ABTB3: variants seen among roughly 807,000 people sequenced by gnomAD.
ABTB3 encodes ankyrin repeat and BTB domain containing 3.
At chr12:107,484,453 G>A in the ABTB3 span, among the ~76,000 whole-genome samples, 7 of 152,230 alleles carry the variant, frequency 4.6e-5, no homozygotes, top group Middle Eastern at 3.2e-3. Context: ...ACTAGGATGC[G>A]TCAGGCAGAG....
chr12:107,376,164 C>T, the ABTB3 span, among the ~76,000 whole-genome samples: 1 of 152,308 alleles, frequency 6.6e-6, no homozygotes, highest in East Asian at 1.9e-4. Flanking sequence ...CCCTCCCTCA[C>T]CACCCTGCGC....
chr12:107,500,225 A>G, the ABTB3 span, among the ~76,000 whole-genome samples: 2 of 152,152 alleles, frequency 1.3e-5, no homozygotes, highest in African/African-American at 2.4e-5. Context: ...CTCTGCTAAG[A>G]GTGACCACTG....
At chr12:107,321,603 CCACACA>C in the ABTB3 span, among the ~76,000 whole-genome samples, 5 of 85,432 alleles carry the variant, frequency 5.9e-5, no homozygotes, top group African/African-American at 1.8e-4. Flanking sequence ...ATCTTCGAGG[CCACACA>C]CACACACACA....
the ABTB3 span, among the ~76,000 whole-genome samples, chr12:107,452,202 ATTTTTTTTTT>A: frequency 9.1e-6 from 1 of 110,200 alleles, no homozygotes; most frequent in African/African-American, 3.2e-5. Context: ...GCCCATATGA[ATTTTTTTTTT>A]TTTTTTTTTT....
the ABTB3 span, among the ~76,000 whole-genome samples, chr12:107,456,304 C>T: frequency 3.9e-5 from 6 of 152,150 alleles, no homozygotes; most frequent in Non-Finnish European, 7.3e-5. Flanking sequence ...GGAACTGGGC[C>T]GCATAGCAGG....
chr12:107,405,864 C>T, the ABTB3 span, among the ~76,000 whole-genome samples: 19 of 152,238 alleles, frequency 1.2e-4, no homozygotes, highest in African/African-American at 4.6e-4. Flanking sequence ...GGTCCCCACT[C>T]TGCTCCTCAC....
chr12:107,459,308 A>G, the ABTB3 span, among the ~76,000 whole-genome samples: 16 of 152,220 alleles, frequency 1.1e-4, no homozygotes, highest in Admixed American at 6.5e-5. Context: ...ACTGAACCCC[A>G]TGGTAAATTC....
chr12:107,383,537 T>C, the ABTB3 span, among the ~76,000 whole-genome samples: 2 of 152,186 alleles, frequency 1.3e-5, no homozygotes, highest in Admixed American at 1.3e-4. Flanking sequence ...TGAGTTAACA[T>C]TTATAAAGCC....
chr12:107,437,389 T>C, the ABTB3 span, among the ~76,000 whole-genome samples: 1 of 85,300 alleles, frequency 1.2e-5, no homozygotes, highest in African/African-American at 5.2e-5. Flanking sequence ...TCTGCTTTTC[T>C]TTTTCTTTTT....
At chr12:107,491,859 C>T in the ABTB3 span, among the ~76,000 whole-genome samples, 84 of 149,602 alleles carry the variant, frequency 5.6e-4, no homozygotes, top group African/African-American at 1.9e-3. Flanking sequence ...TGAACCCAGG[C>T]GTCAGCCTGT....
At chr12:107,649,077 G>A in the ABTB3 span, 1 of 769,710 alleles carries the variant, frequency 1.3e-6, no homozygotes, top group Non-Finnish European at 2.2e-6. Flanking sequence ...TGGTGACATG[G>A]AAATGGGCAA....
chr12:107,501,684 A>G, the ABTB3 span, among the ~76,000 whole-genome samples: 3 of 152,026 alleles, frequency 2.0e-5, no homozygotes, highest in Non-Finnish European at 4.4e-5. Context: ...TGGGTGACAG[A>G]GTGAGACTCC....
the ABTB3 span, among the ~76,000 whole-genome samples, chr12:107,518,479 C>T: frequency 6.6e-6 from 1 of 152,004 alleles, no homozygotes; most frequent in African/African-American, 2.4e-5. Context: ...TGGAAACCAT[C>T]ATTCTCAGAA....
the ABTB3 span, chr12:107,610,009 C>A: frequency 3.0e-6 from 2 of 673,820 alleles, no homozygotes; most frequent in South Asian, 1.8e-5. Context: ...GACAGATTCA[C>A]AGCAGTCATA....
At chr12:107,348,624 C>T in the ABTB3 span, among the ~76,000 whole-genome samples, 27 of 152,160 alleles carry the variant, frequency 1.8e-4, no homozygotes, top group African/African-American at 6.3e-4. Context: ...ACTCGAGAGG[C>T]TGAGGTGGGA....
chr12:107,362,023 G>A, the ABTB3 span, among the ~76,000 whole-genome samples: 7 of 152,290 alleles, frequency 4.6e-5, no homozygotes, highest in Middle Eastern at 3.4e-3. Context: ...ATTAGACATT[G>A]AATCTGCTGG....
chr12:107,407,983 C>A, the ABTB3 span, among the ~76,000 whole-genome samples: 9 of 152,040 alleles, frequency 5.9e-5, no homozygotes, highest in African/African-American at 2.2e-4. Flanking sequence ...TTCCCCCCAA[C>A]CCCCAACCTC....
At chr12:107,485,519 G>T in the ABTB3 span, among the ~76,000 whole-genome samples, 1 of 152,058 alleles carries the variant, frequency 6.6e-6, no homozygotes, top group Non-Finnish European at 1.5e-5. Context: ...GGGTCTGTTT[G>T]TGTGTGTCTC....
chr12:107,445,536 A>G, the ABTB3 span, among the ~76,000 whole-genome samples: 2 of 152,202 alleles, frequency 1.3e-5, no homozygotes, highest in African/African-American at 4.8e-5. Flanking sequence ...GACACCTCTA[A>G]TGTATTAATA....
Sources: gnomAD v4.1 joint callset for allele counts (sites outside exome capture counted in the v4.1 genomes callset) on GRCh38, gnomAD v4.1.1 for gene constraint, MANE v1.5 for transcripts, NCBI Gene and HGNC (gene_info 2026-07-23, HGNC 2026-07-21) for gene names.